The following PTPN14 variants were observed in gnomAD, a reference collection of about 807,000 sequenced individuals.
PTPN14 encodes the protein tyrosine-protein phosphatase non-receptor type 14.
In PTPN14, 53 loss-of-function variants were observed where a neutral mutation model predicts 126.8. That is an observed-to-expected ratio of 0.42 (90% CI 0.34 to 0.53). The LOEUF (loss-of-function observed/expected upper bound fraction) is 0.53, where lower values mean the gene tolerates loss of function less well. PTPN14 is among the 20% of genes least tolerant of loss of function. The pLI is 0.08. For missense variants in PTPN14, 1,257 were observed against 1,552.9 expected (o/e 0.81, Z 3.20); for synonymous variants, 630 against 599.3 (o/e 1.05, Z -0.75).
At position 214,463,184 on chromosome 1, in the gene PTPN14, A is replaced by G. The variant is rs79758483; in HGVS notation, c.174+1446T>C. On this transcript the variant is annotated intron_variant, in intron 2 of 18. Coordinates refer to ENST00000366956, the MANE Select transcript of PTPN14 (RefSeq NM_005401.5). ...TGCTCTAATTTGAGTGACTGGAAGT[A>G]CTTAAAAGTAAAAATACTAGTTTTC... Among the ~76,000 whole-genome samples, 5 of 152,356 alleles carry G rather than the reference A, an allele frequency of 3.3e-5. No homozygotes were observed. The East Asian group carries it at 5.8e-4, about 18-fold the overall frequency.
intron 1 of PTPN14, among the ~76,000 whole-genome samples, chr1:214,507,663 A>G (rs1183242830): frequency 6.6e-6 from 1 of 152,178 alleles, no homozygotes; most frequent in East Asian, 1.9e-4. Flanking sequence ...AATTACAGGC[A>G]TATCTCGGAG....
chr1:214,400,350 G>A (rs1307638433), intron 7 of PTPN14, among the ~76,000 whole-genome samples: 5 of 152,152 alleles, frequency 3.3e-5, no homozygotes, highest in South Asian at 2.1e-4. Flanking sequence ...TATGTGGGGG[G>A]AAAGAGAAGA....
intron 5 of PTPN14, among the ~76,000 whole-genome samples, chr1:214,405,693 T>C (rs1473404008): frequency 6.6e-6 from 1 of 151,318 alleles, no homozygotes; most frequent in Non-Finnish European, 1.5e-5. Flanking sequence ...AGAGACAGAA[T>C]AATAGTGCTA....
At chr1:214,506,702 C>T (rs959789913) in intron 1 of PTPN14, among the ~76,000 whole-genome samples, 6 of 152,164 alleles carry the variant, frequency 3.9e-5, no homozygotes, top group African/African-American at 1.4e-4. Context: ...ACAGGTGGCT[C>T]TCTCCCTGGA....
chr1:214,392,413 G>GTAAA (rs1658777661), intron 10 of PTPN14, among the ~76,000 whole-genome samples: 1 of 152,084 alleles, frequency 6.6e-6, no homozygotes, highest in Non-Finnish European at 1.5e-5. Context: ...TAAACACTCC[G>GTAAA]TAAATTTTAT....
At chr1:214,440,872 G>A (rs905822560) in intron 3 of PTPN14, among the ~76,000 whole-genome samples, 3 of 152,208 alleles carry the variant, frequency 2.0e-5, no homozygotes, top group African/African-American at 7.2e-5. Flanking sequence ...CTCTCTGCAA[G>A]GCGTCCCAAT....
chr1:214,433,641 C>T (rs375967188), intron 3 of PTPN14, among the ~76,000 whole-genome samples: 3 of 151,960 alleles, frequency 2.0e-5, no homozygotes, highest in East Asian at 3.9e-4. Flanking sequence ...CATAAATATA[C>T]GCTTAAGAAA....
chr1:214,510,194 A>G (rs568459841), intron 1 of PTPN14, among the ~76,000 whole-genome samples: 2 of 152,318 alleles, frequency 1.3e-5, no homozygotes, highest in East Asian at 1.9e-4. Flanking sequence ...ACTTTTATCA[A>G]TTTAGTTTGC....
intron 1 of PTPN14, among the ~76,000 whole-genome samples, chr1:214,535,525 C>A (rs781110901): frequency 4.4e-4 from 67 of 152,152 alleles, no homozygotes; most frequent in Non-Finnish European, 8.2e-4. Flanking sequence ...CACCTGTAAT[C>A]CCAGAACTTT....
At position 214,464,588 on chromosome 1, in the gene PTPN14, C is replaced by T. The variant is rs765848670; in HGVS notation, c.174+42G>A. On this transcript the variant is annotated intron_variant, in intron 2 of 18. Coordinates refer to ENST00000366956, the MANE Select transcript of PTPN14 (RefSeq NM_005401.5). ...TGAGTTCTCCTTCACATACCCAACA[C>T]GCATGCACGCGCACATGCGCACACA... 24 of 1,599,100 alleles carry T rather than the reference C, an allele frequency of 1.5e-5. No individual in the cohort carries two copies. In the East Asian group the frequency reaches 1.8e-4, roughly 12 times the overall value.
In PTPN14 at chr1:214,355,541, G is replaced by C. The variant is rs1217978107; in HGVS notation, c.*2381C>G. 1.3e-5 allele frequency: 2 copies of C among 152,130 alleles called. No individual in the cohort carries two copies. Among genetic ancestry groups the C allele is most frequent in the African/African-American group, 2.4e-5 (1 of 41,428 alleles). 9.4% of individuals were successfully genotyped at this position (152,130 alleles called of 1,614,324 possible). On this transcript the variant is annotated 3_prime_UTR_variant, in exon 19 of 19. Transcript: ENST00000366956. ...ACTGAAAATACATGTAATACTAATG[G>C]GTTTCTTTCCAGGACATACAACAAA...
chr1:214,459,635 A>G (rs1466495055), intron 2 of PTPN14, among the ~76,000 whole-genome samples: 1 of 151,686 alleles, frequency 6.6e-6, no homozygotes, highest in Non-Finnish European at 1.5e-5. Flanking sequence ...ACGCCCAGCT[A>G]ATTTTTGTAT....
At chr1:214,484,805 A>G (rs1385127915) in intron 1 of PTPN14, among the ~76,000 whole-genome samples, 4 of 152,230 alleles carry the variant, frequency 2.6e-5, no homozygotes, top group Non-Finnish European at 5.9e-5. Context: ...AGGTCATTAA[A>G]GGTCTCCAAG....
chr1:214,535,398 C>T (rs1655678578), intron 1 of PTPN14, among the ~76,000 whole-genome samples: 1 of 152,168 alleles, frequency 6.6e-6, no homozygotes, highest in South Asian at 2.1e-4. Context: ...CAACCTTTCA[C>T]ATGTACGATT....
chr1:214,507,187 G>A (rs1416024362), intron 1 of PTPN14, among the ~76,000 whole-genome samples: 1 of 152,142 alleles, frequency 6.6e-6, no homozygotes, highest in Non-Finnish European at 1.5e-5. Flanking sequence ...TCAAAGGTAA[G>A]GAATGGTTAA....
At chr1:214,495,343 C>T (rs1279964874) in intron 1 of PTPN14, among the ~76,000 whole-genome samples, 2 of 152,018 alleles carry the variant, frequency 1.3e-5, no homozygotes, top group Admixed American at 6.5e-5. Context: ...GATAACAATG[C>T]CTAATAATTA....
intron 3 of PTPN14, among the ~76,000 whole-genome samples, chr1:214,427,560 A>G (rs1659697022): frequency 6.6e-6 from 1 of 152,184 alleles, no homozygotes; most frequent in Non-Finnish European, 1.5e-5. Context: ...CACCTACTAC[A>G]TGCCAGGAGT....
intron 10 of PTPN14, among the ~76,000 whole-genome samples, chr1:214,391,847 T>C (rs1441043873): frequency 6.6e-6 from 1 of 152,158 alleles, no homozygotes. Context: ...GGAGGTAATA[T>C]AGCAATGGTG....
intron 2 of PTPN14, among the ~76,000 whole-genome samples, chr1:214,460,217 C>G (rs896415070): frequency 2.0e-5 from 3 of 152,162 alleles, no homozygotes; most frequent in Admixed American, 6.5e-5. Context: ...TATATGGAAA[C>G]TGCTCAGCAG....
Sources: gnomAD v4.1 joint callset for allele counts (sites outside exome capture counted in the v4.1 genomes callset) on GRCh38, gnomAD v4.1.1 for gene constraint, MANE v1.5 for transcripts, NCBI Gene and HGNC (gene_info 2026-07-23, HGNC 2026-07-21) for gene names.